Variants in PPEF1 observed in about 807,000 individuals in gnomAD.
PPEF1 encodes the protein serine/threonine-protein phosphatase with EF-hands 1.
PPEF1 carries 12 observed loss-of-function variants against 53.3 expected under a neutral mutation model. The ratio of observed to expected loss-of-function variants is 0.23; its 90% CI spans 0.14 to 0.36. PPEF1 has a LOEUF of 0.36. Ranked by LOEUF, PPEF1 falls within the 10% of genes least tolerant of loss-of-function variation. The pLI is 1.00. For synonymous variants in PPEF1, 165 were observed against 176.7 expected (o/e 0.93, Z 0.52); for missense variants, 334 against 490.4 (o/e 0.68, Z 3.01).
At chrX:18,777,991 C>T (rs747633656) in intron 6 of PPEF1, among the ~76,000 whole-genome samples, 14 of 111,065 alleles carry the variant, frequency 1.3e-4, no homozygotes, top group Admixed American at 4.8e-4. Context: ...GTGATCTGCC[C>T]GCCTCATCCT....
At chrX:18,682,127 C>T (rs1188683993), upstream of PPEF1, among the ~76,000 whole-genome samples, 1 of 112,807 alleles carries the variant, frequency 8.9e-6, no homozygotes, top group African/African-American at 3.2e-5. Flanking sequence ...GTCCAAATCT[C>T]ACTGAGGGAC....
intron 2 of PPEF1, 104 bp from the exon 3 acceptor site, chrX:18,733,644 A>G: frequency 1.6e-6 from 1 of 621,906 alleles, no homozygotes; most frequent in Non-Finnish European, 2.5e-6. Flanking sequence ...CTGAGATACA[A>G]ATGCCCCACA....
At chrX:18,797,086 G>C (rs2046446455) in intron 10 of PPEF1, among the ~76,000 whole-genome samples, 1 of 110,950 alleles carries the variant, frequency 9.0e-6, no homozygotes, top group Admixed American at 9.6e-5. Flanking sequence ...GCTGACATTG[G>C]GTAAAATGGG....
chrX:18,747,733 C>G (rs2147454510), intron 3 of PPEF1, among the ~76,000 whole-genome samples: 1 of 112,325 alleles, frequency 8.9e-6, no homozygotes, highest in African/African-American at 3.2e-5. Flanking sequence ...TCATAAATTC[C>G]TCCCCCATCT....
chrX:18,737,951 C>CT (rs1035670924), intron 3 of PPEF1, among the ~76,000 whole-genome samples: 10 of 109,541 alleles, frequency 9.1e-5, no homozygotes, highest in East Asian at 5.8e-4. Context: ...GCAACCCCTG[C>CT]TTTTTTTTTG....
intron 5 of PPEF1, among the ~76,000 whole-genome samples, chrX:18,759,067 G>A (rs998258104): frequency 1.8e-5 from 2 of 111,062 alleles, no homozygotes; most frequent in African/African-American, 3.3e-5. Context: ...ATCCTGACTC[G>A]CATTAGGTAC....
upstream of PPEF1, among the ~76,000 whole-genome samples, chrX:18,682,493 C>T (rs186626822): frequency 5.0e-4 from 56 of 112,041 alleles, no homozygotes; most frequent in African/African-American, 1.5e-3. Flanking sequence ...AAGACGTCCA[C>T]GACCTGCTGG....
upstream of PPEF1, among the ~76,000 whole-genome samples, chrX:18,680,726 C>G (rs969770760): frequency 2.8e-5 from 3 of 109,071 alleles, no homozygotes; most frequent in African/African-American, 1.0e-4. Context: ...ATTAACTCGT[C>G]GTTTAGCATT....
At chrX:18,771,843 A>AGTT (rs1463388225) in intron 6 of PPEF1, among the ~76,000 whole-genome samples, 1 of 111,987 alleles carries the variant, frequency 8.9e-6, no homozygotes, top group African/African-American at 3.2e-5. Context: ...GGCCAGGTGT[A>AGTT]GTAGCTCATG....
At chrX:18,825,876 T>C in intron 15 of PPEF1, 41 bp downstream of exon 15, 2 of 953,031 alleles carry the variant, frequency 2.1e-6, no homozygotes, top group Non-Finnish European at 2.9e-6. Flanking sequence ...AAAAAGTGTA[T>C]GTGTGTGTGT....
chrX:18,684,500 C>T (rs1001996860), intron 1 of PPEF1, among the ~76,000 whole-genome samples: 1 of 111,481 alleles, frequency 9.0e-6, no homozygotes, highest in Non-Finnish European at 1.9e-5. Context: ...CGATCACTTT[C>T]AGTGAGATTA....
chrX:18,703,528 C>T (rs1045518471), upstream of PPEF1, among the ~76,000 whole-genome samples: 3 of 112,195 alleles, frequency 2.7e-5, no homozygotes, highest in Non-Finnish European at 3.8e-5. Flanking sequence ...TTTTAAAGAA[C>T]TCTGGCCTAG....
chrX:18,742,305 G>A (rs1208647568), intron 3 of PPEF1, among the ~76,000 whole-genome samples: 1 of 111,675 alleles, frequency 9.0e-6, no homozygotes, highest in East Asian at 2.8e-4. Context: ...GGTAAAATAT[G>A]TATGCATTTA....
At chrX:18,677,013 C>T (rs780890092) in intron 1 of PPEF1, among the ~76,000 whole-genome samples, 1 of 109,607 alleles carries the variant, frequency 9.1e-6, no homozygotes, top group East Asian at 2.9e-4. Context: ...CCCCGCCGCC[C>T]CTCGCAAGGT....
chrX:18,735,576 T>C (rs2044957454), intron 3 of PPEF1, among the ~76,000 whole-genome samples: 1 of 111,907 alleles, frequency 8.9e-6, no homozygotes, highest in African/African-American at 3.3e-5. Context: ...CCTCCAGCTT[T>C]GTTCTTTTGG....
At chrX:18,680,152 C>T (rs989269196), upstream of PPEF1, among the ~76,000 whole-genome samples, 3 of 109,855 alleles carry the variant, frequency 2.7e-5, no homozygotes, top group Non-Finnish European at 3.8e-5. Context: ...CCAGCCACAC[C>T]GGCCTGCTTG....
chrX:18,772,382 C>T (rs1204300024), intron 6 of PPEF1, among the ~76,000 whole-genome samples: 1 of 111,419 alleles, frequency 9.0e-6, no homozygotes, highest in Non-Finnish European at 1.9e-5. Flanking sequence ...TTGTAATACA[C>T]AAAGTTCTTC....
At chrX:18,776,239 G>T (rs1259847226) in intron 6 of PPEF1, among the ~76,000 whole-genome samples, 1 of 110,700 alleles carries the variant, frequency 9.0e-6, no homozygotes, top group Non-Finnish European at 1.9e-5. Flanking sequence ...TTGGTTGGTT[G>T]GTTGGTTTGT....
At chrX:18,804,164 C>T (rs1345779344) in intron 11 of PPEF1, 87 bp downstream of exon 11, 1 of 898,533 alleles carries the variant, frequency 1.1e-6, no homozygotes, top group East Asian at 3.3e-5. Flanking sequence ...GGCCTAGAAG[C>T]CCATGAGAAG....
Sources: gnomAD v4.1 joint callset for allele counts (sites outside exome capture counted in the v4.1 genomes callset) on GRCh38, gnomAD v4.1.1 for gene constraint, MANE v1.5 for transcripts, NCBI Gene and HGNC (gene_info 2026-07-23, HGNC 2026-07-21) for gene names.